Variants in NDUFAF2 observed in about 807,000 individuals in gnomAD.
NDUFAF2 encodes NADH:ubiquinone oxidoreductase complex assembly factor 2.
NDUFAF2 carries 13 observed loss-of-function variants against 22.8 expected under a neutral mutation model. The ratio of observed to expected loss-of-function variants is 0.57; its 90% confidence interval spans 0.37 to 0.91. NDUFAF2 has a LOEUF of 0.91. Among genes scored for constraint, NDUFAF2 ranks in the 40% least tolerant of loss-of-function variants. The pLI, the probability that NDUFAF2 is intolerant of heterozygous loss-of-function variation, is 0.01. For synonymous variants in NDUFAF2, 53 were observed against 64.2 expected (o/e 0.83, Z 0.84); for missense variants, 162 against 195.2 (o/e 0.83, Z 1.01).
chr5:61,064,069 T>C (rs559754751), intron 1 of NDUFAF2, among the ~76,000 whole-genome samples: 2 of 152,190 alleles, frequency 1.3e-5, no homozygotes, highest in African/African-American at 4.8e-5. Flanking sequence ...CATTTAATGG[T>C]AATCAAAAGA....
At chr5:61,074,948 C>G (rs764063335) in intron 2 of NDUFAF2, among the ~76,000 whole-genome samples, 2 of 152,106 alleles carry the variant, frequency 1.3e-5, no homozygotes, top group African/African-American at 2.4e-5. Flanking sequence ...GGAGGAACTT[C>G]CAAATACTTA....
At chr5:60,986,975 AAGGACCAATGAATCC>A (rs1751090039) in intron 1 of NDUFAF2, among the ~76,000 whole-genome samples, 1 of 151,918 alleles carries the variant, frequency 6.6e-6, no homozygotes, top group South Asian at 2.1e-4. Flanking sequence ...AAAACCATAC[AAGGACCAATGAATCC>A]AGGAGATAGT....
intron 1 of NDUFAF2, among the ~76,000 whole-genome samples, chr5:60,967,414 G>C (rs1240399758): frequency 6.6e-6 from 1 of 151,996 alleles, no homozygotes; most frequent in Non-Finnish European, 1.5e-5. Context: ...TCCTTGTCTT[G>C]ATTCGGATCT....
chr5:61,021,312 A>G (rs1751581001), intron 1 of NDUFAF2, among the ~76,000 whole-genome samples: 1 of 150,024 alleles, frequency 6.7e-6, no homozygotes, highest in African/African-American at 2.5e-5. Context: ...GCCTACCTGC[A>G]TTCCTTGGCT....
rs763179948 is a variant in NDUFAF2, at chr5:61,073,131, C to T, written c.134C>T (p.Thr45Ile). 6.2e-7 allele frequency: 1 copy of T among 1,607,590 alleles called. No homozygotes were observed. Among genetic ancestry groups the T allele is most frequent in the Admixed American group, 1.7e-5 (1 of 60,006 alleles). ...IPQYKNWRGQ[T>I]IREKRIVEAA... ...AATGACTTTTGTCTTATAGGACAAA[C>T]TATTCGAGAGAAAAGAATTGTAGAA... Residue 45 changes from threonine to isoleucine, a missense_variant, in exon 2 of 4, where the codon ACT becomes ATT. Coordinates refer to ENST00000296597, the MANE Select transcript of NDUFAF2 (RefSeq NM_174889.5).
intron 2 of NDUFAF2, among the ~76,000 whole-genome samples, chr5:61,080,731 A>G (rs1752431011): frequency 6.6e-6 from 1 of 152,118 alleles, no homozygotes; most frequent in Admixed American, 6.5e-5. Context: ...CCTATGTATC[A>G]TAGATATAAG....
chr5:61,133,970 G>A (rs770400479), intron 3 of NDUFAF2, among the ~76,000 whole-genome samples: 18 of 152,142 alleles, frequency 1.2e-4, no homozygotes, highest in African/African-American at 1.9e-4. Context: ...GTGAAAATAC[G>A]TAATTTGGCA....
At chr5:61,106,685 C>G (rs778415083) in intron 3 of NDUFAF2, among the ~76,000 whole-genome samples, 5 of 150,892 alleles carry the variant, frequency 3.3e-5, no homozygotes, top group Admixed American at 2.6e-4. Flanking sequence ...TTCCCACCCC[C>G]CCTAACACCC....
At chr5:61,040,302 G>GCGCGCGCGCGCGCGCGCGC (rs1491236283) in intron 1 of NDUFAF2, among the ~76,000 whole-genome samples, 1 of 146,366 alleles carries the variant, frequency 6.8e-6, no homozygotes, top group African/African-American at 2.5e-5. Context: ...GCGCGCGCGC[G>GCGCGCGCGCGCGCGCGCGC]AAAGTTGAAA....
At chr5:61,031,840 C>T (rs1751731689) in intron 1 of NDUFAF2, among the ~76,000 whole-genome samples, 1 of 152,180 alleles carries the variant, frequency 6.6e-6, no homozygotes, top group African/African-American at 2.4e-5. Flanking sequence ...ATACTCTCAC[C>T]AACAGTGTAA....
intron 3 of NDUFAF2, among the ~76,000 whole-genome samples, chr5:61,134,484 G>C (rs1353101352): frequency 6.6e-6 from 1 of 152,166 alleles, no homozygotes; most frequent in Non-Finnish European, 1.5e-5. Flanking sequence ...AGGAGATCGA[G>C]ACCATCCTGG....
At chr5:61,035,422 C>CTTTTTTTTTTTTTTTTTTTTTTTTTTTTT (rs1177405606) in intron 1 of NDUFAF2, among the ~76,000 whole-genome samples, 1 of 62,558 alleles carries the variant, frequency 1.6e-5, no homozygotes, top group African/African-American at 8.5e-5. Context: ...CTCTCTTGCT[C>CTTTTTTTTTTTTTTTTTTTTTTTTTTTTT]TGTTTTTTTT....
intron 1 of NDUFAF2, among the ~76,000 whole-genome samples, chr5:60,975,153 G>T (rs543892507): frequency 1.8e-4 from 28 of 152,114 alleles, no homozygotes; most frequent in African/African-American, 6.5e-4. Context: ...TTCCAATTAT[G>T]TTGAGGGCAT....
chr5:61,012,928 A>C (rs1751459265), intron 1 of NDUFAF2, among the ~76,000 whole-genome samples: 1 of 152,088 alleles, frequency 6.6e-6, no homozygotes, highest in Admixed American at 6.6e-5. Flanking sequence ...ATTTTCAATT[A>C]ATTGTTTTGA....
At chr5:61,008,375 A>G (rs1380516165) in intron 1 of NDUFAF2, among the ~76,000 whole-genome samples, 1 of 152,172 alleles carries the variant, frequency 6.6e-6, no homozygotes, top group Non-Finnish European at 1.5e-5. Context: ...AGTCTTTGTA[A>G]GAAAGATTAA....
At chr5:61,123,038 G>GT (rs1353813503) in intron 3 of NDUFAF2, among the ~76,000 whole-genome samples, 12 of 152,102 alleles carry the variant, frequency 7.9e-5, no homozygotes, top group African/African-American at 2.9e-4. Flanking sequence ...CATAGTCCAG[G>GT]TATATTCAAC....
At chr5:61,027,957 A>G (rs1751673397) in intron 1 of NDUFAF2, among the ~76,000 whole-genome samples, 1 of 151,978 alleles carries the variant, frequency 6.6e-6, no homozygotes, top group Admixed American at 6.6e-5. Flanking sequence ...GGTTCTGGGG[A>G]TATGTTAATA....
chr5:61,136,689 A>G (rs1415593675), intron 3 of NDUFAF2, among the ~76,000 whole-genome samples: 1 of 152,022 alleles, frequency 6.6e-6, no homozygotes, highest in Non-Finnish European at 1.5e-5. Flanking sequence ...TAAGAAAGGG[A>G]AAAAAAGAAA....
At chr5:61,086,278 A>G (rs1752504504) in intron 2 of NDUFAF2, among the ~76,000 whole-genome samples, 3 of 152,186 alleles carry the variant, frequency 2.0e-5, no homozygotes, top group Non-Finnish European at 4.4e-5. Flanking sequence ...ATTGCCCTCC[A>G]ATCAAAATAC....
Sources: allele counts gnomAD v4.1 joint callset (sites outside exome capture counted in the v4.1 genomes callset), GRCh38; gene constraint gnomAD v4.1.1; transcripts MANE v1.5; gene names NCBI Gene and HGNC (gene_info 2026-07-23, HGNC 2026-07-21).